FAM135B: variants seen among roughly 807,000 people sequenced by gnomAD.
FAM135B encodes the protein protein FAM135B.
Under a neutral mutation model 127.7 loss-of-function variants are expected in FAM135B, and 43 were observed. The ratio of observed to expected loss-of-function variants is 0.34; its 90% CI spans 0.26 to 0.43. The LOEUF is 0.43. Among genes scored for constraint, FAM135B ranks in the 20% least tolerant of loss-of-function variants. The pLI is 1.00. For synonymous variants in FAM135B, 670 were observed against 665.1 expected (o/e 1.01, Z -0.11); for missense variants, 1,558 against 1,725.6 (o/e 0.90, Z 1.72).
intron 3 of FAM135B, among the ~76,000 whole-genome samples, chr8:138,268,490 T>G (rs543287695): frequency 3.3e-5 from 5 of 152,246 alleles, no homozygotes; most frequent in African/African-American, 1.2e-4. Context: ...CACTGTTAAA[T>G]AGGGCATCGC....
At chr8:138,190,455 A>C (rs563851363) in intron 9 of FAM135B, among the ~76,000 whole-genome samples, 1 of 152,248 alleles carries the variant, frequency 6.6e-6, no homozygotes, top group African/African-American at 2.4e-5. Context: ...CCTTGTAGCA[A>C]GAAAATACCA....
chr8:138,374,063 C>A (rs111281949), intron 1 of FAM135B, among the ~76,000 whole-genome samples: 14 of 152,154 alleles, frequency 9.2e-5, no homozygotes, highest in African/African-American at 3.4e-4. Context: ...ACTCCCTCCC[C>A]TTTAAAAAAA....
At chr8:138,362,427 AC>A (rs981236259) in intron 2 of FAM135B, among the ~76,000 whole-genome samples, 1 of 151,830 alleles carries the variant, frequency 6.6e-6, no homozygotes, top group African/African-American at 2.4e-5. Context: ...TGGTTGAGTG[AC>A]CCTTTAATTT....
intron 1 of FAM135B, among the ~76,000 whole-genome samples, chr8:138,382,253 G>A (rs534785141): frequency 2.0e-5 from 3 of 152,254 alleles, no homozygotes; most frequent in Admixed American, 6.5e-5. Context: ...GGGCCTTAAC[G>A]ATGGTCTTAA....
chr8:138,269,184 C>T (rs984967892), intron 3 of FAM135B, among the ~76,000 whole-genome samples: 3 of 152,194 alleles, frequency 2.0e-5, no homozygotes, highest in African/African-American at 7.2e-5. Flanking sequence ...GATATTGATA[C>T]TTTATAGATC....
chr8:138,268,294 T>C (rs1823100894), intron 3 of FAM135B, among the ~76,000 whole-genome samples: 1 of 152,140 alleles, frequency 6.6e-6, no homozygotes. Context: ...GTACTTTCTG[T>C]TGAATATATT....
intron 3 of FAM135B, among the ~76,000 whole-genome samples, chr8:138,275,449 C>A (rs1301563622): frequency 6.6e-6 from 1 of 152,164 alleles, no homozygotes; most frequent in Non-Finnish European, 1.5e-5. Context: ...CTTCAGGAGG[C>A]CAAGGTGGGA....
intron 1 of FAM135B, among the ~76,000 whole-genome samples, chr8:138,454,712 T>C (rs778088336): frequency 7.2e-5 from 11 of 152,184 alleles, no homozygotes; most frequent in Non-Finnish European, 1.2e-4. Flanking sequence ...ACTTTTGTGT[T>C]AGTGTGGCTT....
intron 3 of FAM135B, among the ~76,000 whole-genome samples, chr8:138,279,842 T>G (rs1380313100): frequency 1.3e-5 from 2 of 152,116 alleles, no homozygotes; most frequent in Non-Finnish European, 2.9e-5. Context: ...ATCACTTGAG[T>G]CTCTTCCCTG....
chr8:138,278,228 G>C (rs62529144), intron 3 of FAM135B, among the ~76,000 whole-genome samples: 1 of 151,628 alleles, frequency 6.6e-6, no homozygotes, highest in Non-Finnish European at 1.5e-5. Context: ...ATTGACACGA[G>C]AGCTAACTGG....
intron 3 of FAM135B, among the ~76,000 whole-genome samples, chr8:138,285,551 C>CA (rs2130767526): frequency 6.6e-6 from 1 of 152,202 alleles, no homozygotes; most frequent in Admixed American, 6.5e-5. Context: ...ATAATATCAA[C>CA]AAAAAATCTA....
At chr8:138,333,057 GA>G (rs1179733820) in intron 2 of FAM135B, among the ~76,000 whole-genome samples, 4 of 151,920 alleles carry the variant, frequency 2.6e-5, no homozygotes, top group East Asian at 1.9e-4. Context: ...AAATATTTGG[GA>G]AAAAAATCAC....
intron 7 of FAM135B, among the ~76,000 whole-genome samples, chr8:138,211,856 TCAGGAGTTGAAGAC>T (rs781083998): frequency 9.9e-5 from 15 of 152,016 alleles, no homozygotes; most frequent in Non-Finnish European, 1.6e-4. Context: ...TCACCCGAGG[TCAGGAGTTGAAGAC>T]CAGCCTGGTC....
intron 7 of FAM135B, among the ~76,000 whole-genome samples, chr8:138,223,281 G>A (rs78809477): frequency 0.019 from 2,832 of 152,310 alleles, 76 homozygotes; most frequent in African/African-American, 0.064. Flanking sequence ...GTACAGTGAA[G>A]AATAAACTAC....
intron 1 of FAM135B, among the ~76,000 whole-genome samples, chr8:138,449,893 T>C (rs1836398009): frequency 6.6e-6 from 1 of 152,146 alleles, no homozygotes; most frequent in Non-Finnish European, 1.5e-5. Context: ...CTTCTATTGG[T>C]TCAATCCCTA....
chr8:138,142,288 CTTTTTTTTTTTTTTTTTT>C (rs71316322), intron 16 of FAM135B, among the ~76,000 whole-genome samples: 1 of 62,366 alleles, frequency 1.6e-5, no homozygotes, highest in African/African-American at 5.9e-5. Context: ...TCTGCTTCTT[CTTTTTTTTTTTTTTTTTT>C]TTTTTTTTTT....
intron 10 of FAM135B, among the ~76,000 whole-genome samples, chr8:138,177,679 A>G (rs1163996944): frequency 6.6e-6 from 1 of 152,134 alleles, no homozygotes; most frequent in Non-Finnish European, 1.5e-5. Context: ...TGCTTTTGCT[A>G]TTGTGTTTAA....
intron 2 of FAM135B, chr8:138,367,449 T>C (rs1199088803): frequency 4.4e-6 from 2 of 456,984 alleles, no homozygotes; most frequent in South Asian, 1.6e-5. Flanking sequence ...GTTATATGAA[T>C]TGATGTTTGC....
intron 6 of FAM135B, among the ~76,000 whole-genome samples, chr8:138,245,376 G>T (rs1433913640): frequency 6.6e-6 from 1 of 152,128 alleles, no homozygotes; most frequent in Non-Finnish European, 1.5e-5. Flanking sequence ...CACATGTTGT[G>T]GGAGGGATCC....
Sources: allele counts gnomAD v4.1 joint callset (sites outside exome capture counted in the v4.1 genomes callset), GRCh38; gene constraint gnomAD v4.1.1; transcripts MANE v1.5; gene names NCBI Gene and HGNC (gene_info 2026-07-23, HGNC 2026-07-21).